GPC6: variants seen among roughly 807,000 people sequenced by gnomAD.
The protein encoded by GPC6 is glypican 6, also known as glypican-6.
GPC6 carries 14 observed loss-of-function variants against 55.2 expected under a neutral mutation model. That is an observed-to-expected ratio of 0.25 (90% CI 0.17 to 0.40). The LOEUF (loss-of-function observed/expected upper bound fraction) is 0.40. Ranked by LOEUF, GPC6 falls within the 10% of genes least tolerant of loss-of-function variation. GPC6 has a pLI of 1.00. For synonymous variants in GPC6, 278 were observed against 259.6 expected (o/e 1.07, Z -0.68); for missense variants, 641 against 708.5 (o/e 0.90, Z 1.08).
intron 4 of GPC6, among the ~76,000 whole-genome samples, chr13:94,104,372 G>A (rs1885977711): frequency 1.3e-5 from 2 of 152,054 alleles, no homozygotes; most frequent in Non-Finnish European, 2.9e-5. Flanking sequence ...CATACTGAAT[G>A]GGCAAAAACT....
intron 4 of GPC6, among the ~76,000 whole-genome samples, chr13:94,208,007 G>A (rs1336395571): frequency 6.6e-6 from 1 of 152,118 alleles, no homozygotes; most frequent in Non-Finnish European, 1.5e-5. Flanking sequence ...TGTAGAGAAC[G>A]TAAAATTTAT....
At chr13:93,688,090 A>G (rs1022970036) in intron 2 of GPC6, among the ~76,000 whole-genome samples, 1 of 152,086 alleles carries the variant, frequency 6.6e-6, no homozygotes. Flanking sequence ...TTCCCAATTC[A>G]TTCTTTAGAA....
chr13:93,388,671 T>G (rs1297510618), intron 1 of GPC6, among the ~76,000 whole-genome samples: 3 of 152,232 alleles, frequency 2.0e-5, no homozygotes, highest in Non-Finnish European at 4.4e-5. Flanking sequence ...AGGGACATAG[T>G]CTCTTCCACC....
chr13:94,200,375 T>C (rs138335548), intron 4 of GPC6, among the ~76,000 whole-genome samples: 1 of 152,282 alleles, frequency 6.6e-6, no homozygotes, highest in Non-Finnish European at 1.5e-5. Flanking sequence ...CACATGAGGA[T>C]ATGTAACAAA....
chr13:93,865,141 TC>T (rs1448159901), intron 3 of GPC6, among the ~76,000 whole-genome samples: 1 of 151,596 alleles, frequency 6.6e-6, no homozygotes, highest in Non-Finnish European at 1.5e-5. Flanking sequence ...TTGTAAAAGT[TC>T]CTTTGAGGCC....
chr13:93,285,492 G>A (rs1208400766), intron 1 of GPC6, among the ~76,000 whole-genome samples: 3 of 151,926 alleles, frequency 2.0e-5, no homozygotes, highest in Non-Finnish European at 4.4e-5. Flanking sequence ...TACAAATCAT[G>A]GTTTTGTTTA....
At chr13:93,305,792 T>G (rs529485197) in intron 1 of GPC6, among the ~76,000 whole-genome samples, 30 of 152,336 alleles carry the variant, frequency 2.0e-4, no homozygotes, top group African/African-American at 6.0e-4. Context: ...GATTTTAGTT[T>G]CCTATTTCCT....
At chr13:93,566,953 C>T (rs143618605) in intron 2 of GPC6, among the ~76,000 whole-genome samples, 2,064 of 152,218 alleles carry the variant, frequency 0.014, 43 homozygotes, top group African/African-American at 0.046. Flanking sequence ...TTTTCTTTAT[C>T]CAGTCTATCA....
chr13:94,375,398 C>A (rs1325125760), intron 6 of GPC6, among the ~76,000 whole-genome samples: 1 of 152,014 alleles, frequency 6.6e-6, no homozygotes, highest in East Asian at 1.9e-4. Context: ...TACAAACTAC[C>A]ATCAGAGAAT....
intron 1 of GPC6, among the ~76,000 whole-genome samples, chr13:93,481,540 T>C (rs1879520572): frequency 6.6e-6 from 1 of 152,036 alleles, no homozygotes; most frequent in African/African-American, 2.4e-5. Context: ...CTTATATGAG[T>C]GTTTATAGTT....
chr13:93,408,576 C>A (rs549924346), intron 1 of GPC6, among the ~76,000 whole-genome samples: 113 of 152,184 alleles, frequency 7.4e-4, no homozygotes, highest in African/African-American at 2.6e-3. Context: ...CAGGGAAGAA[C>A]CAGTGGTGGC....
chr13:93,363,928 G>A (rs373589483), intron 1 of GPC6, among the ~76,000 whole-genome samples: 19 of 152,054 alleles, frequency 1.2e-4, no homozygotes, highest in East Asian at 1.2e-3. Flanking sequence ...CTGCATAAAT[G>A]TCTTCTTTTG....
intron 6 of GPC6, among the ~76,000 whole-genome samples, chr13:94,339,470 T>C (rs1877907748): frequency 6.6e-6 from 1 of 152,178 alleles, no homozygotes; most frequent in Admixed American, 6.5e-5. Context: ...GGGCCTGTGA[T>C]AGTCAGGGAT....
intron 1 of GPC6, among the ~76,000 whole-genome samples, chr13:93,256,703 A>G (rs1408916420): frequency 6.6e-6 from 1 of 152,182 alleles, no homozygotes; most frequent in African/African-American, 2.4e-5. Flanking sequence ...TACTCTGTAT[A>G]CTACTAGGCA....
intron 2 of GPC6, among the ~76,000 whole-genome samples, chr13:93,547,812 A>G: frequency 6.6e-6 from 1 of 152,064 alleles, no homozygotes; most frequent in Non-Finnish European, 1.5e-5. Flanking sequence ...AATCATCATC[A>G]TCATCAATTA....
intron 2 of GPC6, among the ~76,000 whole-genome samples, chr13:93,703,822 AT>A (rs924623018): frequency 6.6e-6 from 1 of 151,930 alleles, no homozygotes; most frequent in Non-Finnish European, 1.5e-5. Flanking sequence ...GAAACTCTCT[AT>A]TTTTAGCAGC....
chr13:93,333,469 G>A (rs901585082), intron 1 of GPC6, among the ~76,000 whole-genome samples: 21 of 150,850 alleles, frequency 1.4e-4, no homozygotes, highest in African/African-American at 5.1e-4. Flanking sequence ...TATTGTAAAT[G>A]GGATTGCTTT....
intron 4 of GPC6, among the ~76,000 whole-genome samples, chr13:94,162,999 C>T (rs994620455): frequency 2.0e-5 from 3 of 152,080 alleles, no homozygotes; most frequent in African/African-American, 7.2e-5. Flanking sequence ...AAATAGCTCA[C>T]CATGAAGCTT....
In GPC6 at chr13:94,286,462, A is replaced by C. The variant is rs78029763; in HGVS notation, c.991A>C (p.Met331Leu). The C allele has an allele frequency of 1.2e-6, 2 of 1,613,682 alleles. No homozygotes were observed. The highest frequency in any genetic ancestry group is 2.2e-5 in the South Asian group (2 of 91,072). ...EAIMNMQENS[M>L]QVSAKVFQGC... ...CATTATGAACATGCAAGAAAACAGC[A>C]TGCAGGTGTCTGCAAAGGTATTTGC... Residue 331 changes from methionine (M) to leucine (L), a missense_variant, in exon 5 of 9, where the codon ATG (methionine) becomes CTG (leucine). Physicochemically the swap from Met to Leu is conservative, Grantham distance 15. Transcript: ENST00000377047.
Sources: gnomAD v4.1 joint callset for allele counts (sites outside exome capture counted in the v4.1 genomes callset) on GRCh38, gnomAD v4.1.1 for gene constraint, MANE v1.5 for transcripts, NCBI Gene and HGNC (gene_info 2026-07-23, HGNC 2026-07-21) for gene names.